PCDHGA4: variants seen among roughly 807,000 people sequenced by gnomAD.
PCDHGA4 encodes the protein protocadherin gamma subfamily A, 4.
Under a neutral mutation model 54.6 loss-of-function variants are expected in PCDHGA4, and 38 were observed. That is an observed-to-expected ratio of 0.70 (90% CI 0.54 to 0.91). PCDHGA4 has a LOEUF of 0.91. Among genes scored for constraint, PCDHGA4 ranks in the 40% least tolerant of loss-of-function variants. The pLI is 0.00. For missense variants in PCDHGA4, 1,298 were observed against 1,220.9 expected, an observed-to-expected ratio of 1.06 and a Z score of -0.94; for synonymous variants, 511 against 512.9, an observed-to-expected ratio of 1.00 and a Z score of 0.05.
intron 1 of PCDHGA4, among the ~76,000 whole-genome samples, chr5:141,368,127 A>T (rs1013357793): frequency 1.3e-5 from 2 of 152,200 alleles, no homozygotes; most frequent in Non-Finnish European, 2.9e-5. Context: ...AATATTCTTA[A>T]TCCTTCAAAT....
intron 1 of PCDHGA4, chr5:141,415,649 A>T: frequency 1.9e-6 from 3 of 1,597,710 alleles, no homozygotes; most frequent in Non-Finnish European, 2.6e-6. Context: ...GTTAAAAAAA[A>T]AAAGATTGGT....
intron 1 of PCDHGA4, chr5:141,377,804 G>A (rs1588845842): frequency 6.6e-6 from 1 of 152,230 alleles, no homozygotes; most frequent in Middle Eastern, 3.4e-3. Flanking sequence ...GTAACTATCT[G>A]TTATTTACTT....
rs1759709417 is a variant in PCDHGA4, at chr5:141,355,082, G to T, written c.-26G>T. The T allele has an allele frequency of 4.9e-6, 7 of 1,429,210 alleles. No homozygotes were observed. In the East Asian group the frequency reaches 1.4e-4, roughly 29 times the overall value. The allele number at this position is 1,429,210 out of a possible 1,614,324, so 88.5% of individuals were successfully genotyped here. On this transcript the variant is annotated 5_prime_UTR_variant, in exon 1 of 4. The change creates a premature stop within an existing upstream ORF in the 5' untranslated region. Coordinates refer to ENST00000571252, the MANE Select transcript of PCDHGA4 (RefSeq NM_018917.4). Reference sequence around the variant, plus strand: ...CTGGAGCTTTATGAAAGCTTCAAGCGGAAGCCCTGAGAGCTCTGGCTGTGA... The same window carrying T: ...CTGGAGCTTTATGAAAGCTTCAAGCTGAAGCCCTGAGAGCTCTGGCTGTGA...
At chr5:141,418,895 GAA>G (rs746676640) in intron 1 of PCDHGA4, 1 of 1,613,998 alleles carries the variant, frequency 6.2e-7, no homozygotes, top group Admixed American at 1.7e-5. Flanking sequence ...CAACAGCCCA[GAA>G]ATAATCATCA....
In PCDHGA4 at chr5:141,487,439, T is replaced by C. The variant is rs201458212; in HGVS notation, c.2515-7368T>C. 1 of 1,613,926 alleles carries C rather than the reference T, an allele frequency of 6.2e-7. No individual in the cohort carries two copies. Among genetic ancestry groups the C allele is most frequent in the South Asian group, 1.1e-5 (1 of 91,066 alleles). ...TGGGATCCTCCGAATCCAGCTAGGG[T>C]CAGATGACCCTATCAAGTTTGTTGA... is the stretch of plus-strand genomic sequence containing the variant. On this transcript the variant is annotated intron_variant, in intron 1 of 3. Transcript: ENST00000571252. This position sits in a 1 kb window ranked among gnomAD's most constrained non-coding sequence, Gnocchi z 5.0.
chr5:141,376,730 A>T (rs1773298181), intron 1 of PCDHGA4: 1 of 526,912 alleles, frequency 1.9e-6, no homozygotes, highest in Admixed American at 4.2e-5. Flanking sequence ...CCCAGGCCGG[A>T]CTGCGGACTG....
Position 141,444,152 on chromosome 5 carries a change from ATTTTTTTTTTTTTTTTT to A in PCDHGA4, c.2515-50635_2515-50619del, listed in dbSNP as rs747671382. Among the ~76,000 whole-genome samples, 167 of 33,906 alleles carry A rather than the reference ATTTTTTTTTTTTTTTTT, an allele frequency of 4.9e-3. 1 individual carries two copies. The highest frequency in any genetic ancestry group is 7.0e-3 in the Non-Finnish European group (136 of 19,318). The allele number at this position is 33,906 out of a possible 152,430, so 22.2% of individuals were successfully genotyped here. A position where few individuals can be genotyped will look rare whatever the true frequency, so the allele number is the denominator to read the frequency against. On this transcript the variant is annotated intron_variant, in intron 1 of 3. Coordinates refer to ENST00000571252, the MANE Select transcript of PCDHGA4 (RefSeq NM_018917.4). ...GATATGTGTCACTTGTGTGTACTGG[ATTTTTTTTTTTTTTTTT>A]TTTTTTTTTTTTTTTTTTTGAGATG...
In PCDHGA4 at chr5:141,489,423, C is replaced by A. The variant is rs754178145; in HGVS notation, c.2515-5384C>A. 7.4e-6 allele frequency: 12 copies of A among 1,613,982 alleles called. No homozygotes were observed. Among genetic ancestry groups the A allele is most frequent in the Non-Finnish European group, 1.0e-5 (12 of 1,180,044 alleles). On this transcript the variant is annotated intron_variant, in intron 1 of 3. Transcript: ENST00000571252. The surrounding 1 kb of genome is among the most constrained non-coding windows in gnomAD (Gnocchi z 4.5). Reference sequence around the variant, plus strand: ...GCTTAAAGATGACAGATCTGTTGAGCCGGCGGCTGCAATTGGGCTCTGAGG... The same window carrying A: ...GCTTAAAGATGACAGATCTGTTGAGACGGCGGCTGCAATTGGGCTCTGAGG...
rs368927472 is a variant in PCDHGA4 at position 141,490,874 on chromosome 5, A to G, written c.2515-3933A>G. The G allele has an allele frequency of 2.4e-5, 39 of 1,613,830 alleles. No individual in the cohort carries two copies. Among genetic ancestry groups the G allele is most frequent in the Non-Finnish European group, 3.1e-5 (36 of 1,179,960 alleles). ...CGAGACTCCGGCTCTCCCCCATTGCATGCCAACACATCTCTGCATGTGTTT... is the reference window on the plus strand; with the variant it reads ...CGAGACTCCGGCTCTCCCCCATTGCGTGCCAACACATCTCTGCATGTGTTT... On this transcript the variant is annotated intron_variant, in intron 1 of 3. Transcript: ENST00000571252. This position sits in a 1 kb window ranked among gnomAD's most constrained non-coding sequence, Gnocchi z 5.4.
chr5:141,403,713 A>C (rs2094445702), intron 1 of PCDHGA4: 3 of 1,613,946 alleles, frequency 1.9e-6, no homozygotes, highest in Non-Finnish European at 2.5e-6. Flanking sequence ...GTCCTTGAGA[A>C]CGTGCCCCCA....
intron 1 of PCDHGA4, chr5:141,429,155 G>A (rs115622025): frequency 0.044 from 6,389 of 145,752 alleles, 216 homozygotes; most frequent in African/African-American, 0.099. Flanking sequence ...CACCCGGCCC[G>A]GAGACATTGT....
intron 1 of PCDHGA4, chr5:141,413,669 A>C: frequency 6.2e-7 from 1 of 1,613,844 alleles, no homozygotes; most frequent in South Asian, 1.1e-5. Flanking sequence ...ATTGATCCGG[A>C]TGTGGGCGTG....
intron 1 of PCDHGA4, chr5:141,413,769 G>T: frequency 6.2e-7 from 1 of 1,612,870 alleles, no homozygotes; most frequent in Non-Finnish European, 8.5e-7. Flanking sequence ...ACCCGGAGCT[G>T]GTACTGGAGC....
At chr5:141,394,705 C>A (rs1245348426) in intron 1 of PCDHGA4, 1 of 1,613,256 alleles carries the variant, frequency 6.2e-7, no homozygotes, top group African/African-American at 1.3e-5. Context: ...ACGGCGCGAG[C>A]CCTGCTGGAC....
chr5:141,507,570 G>A (rs562674847), intron 3 of PCDHGA4, among the ~76,000 whole-genome samples: 1 of 152,366 alleles, frequency 6.6e-6, no homozygotes, highest in South Asian at 2.1e-4. Flanking sequence ...CTGGGTCTGA[G>A]GAGATGCCAA....
chr5:141,453,870 C>A (rs932804656), intron 1 of PCDHGA4, among the ~76,000 whole-genome samples: 2 of 152,146 alleles, frequency 1.3e-5, no homozygotes, highest in African/African-American at 4.8e-5. Context: ...AACAGATGAG[C>A]AAAATAATGT....
In PCDHGA4 at chr5:141,393,826, A is replaced by T. The variant is rs1182278213; in HGVS notation, c.2514+36205A>T. 6.2e-7 allele frequency: 1 copy of T among 1,613,988 alleles called. No homozygotes were observed. Among genetic ancestry groups the T allele is most frequent in the African/African-American group, 1.3e-5 (1 of 75,050 alleles). Reference sequence around the variant, plus strand: ...AGGACCAAATTGCTCATTTCGGTGGAAGATGTAAATGACAATAGACCAGAA... The same window carrying T: ...AGGACCAAATTGCTCATTTCGGTGGTAGATGTAAATGACAATAGACCAGAA... On this transcript the variant is annotated intron_variant, in intron 1 of 3. Coordinates refer to ENST00000571252, the MANE Select transcript of PCDHGA4 (RefSeq NM_018917.4).
rs779718690 is a variant in PCDHGA4, at chr5:141,421,727, C to G, written c.2514+64106C>G. ...AGGGATCCAGATGTGGGCGTGAACT[C>G]CCTCCAGAGCTACCAGCTCAGCCCT... On this transcript the variant is annotated intron_variant, in intron 1 of 3. Coordinates refer to ENST00000571252, the MANE Select transcript of PCDHGA4 (RefSeq NM_018917.4). The G allele has an allele frequency of 1.9e-6, 3 of 1,613,916 alleles. No individual in the cohort carries two copies. In the East Asian group the frequency reaches 6.7e-5, roughly 36 times the overall value.
chr5:141,458,694 C>T (rs905547768), intron 1 of PCDHGA4, among the ~76,000 whole-genome samples: 3 of 152,018 alleles, frequency 2.0e-5, no homozygotes, highest in Non-Finnish European at 2.9e-5. Flanking sequence ...CTCAGCCTCC[C>T]GAGTAGCTGG....
Sources: allele counts gnomAD v4.1 joint callset (sites outside exome capture counted in the v4.1 genomes callset), GRCh38; gene constraint gnomAD v4.1.1; non-coding constraint Gnocchi (gnomAD v3.1); transcripts MANE v1.5; gene names NCBI Gene and HGNC (gene_info 2026-07-23, HGNC 2026-07-21).